Variants in IKBKB-DT observed in about 807,000 individuals in gnomAD.
The protein encoded by IKBKB-DT is IKBKB antisense RNA.
At chr8:42,244,974 G>T (rs1946613654) in intron 3 of IKBKB-DT, among the ~76,000 whole-genome samples, 2 of 152,176 alleles carry the variant, frequency 1.3e-5, no homozygotes, top group Admixed American at 6.5e-5. Context: ...TTTGGGCCGG[G>T]CGTGGTGGTT....
chr8:42,239,928 C>T (rs908168101), intron 3 of IKBKB-DT, among the ~76,000 whole-genome samples: 3 of 151,722 alleles, frequency 2.0e-5, no homozygotes, highest in Admixed American at 6.6e-5. Flanking sequence ...CATGAGCCAC[C>T]GTGCCTGGCC....
chr8:42,240,755 T>A (rs1340435096), intron 3 of IKBKB-DT, among the ~76,000 whole-genome samples: 1 of 150,420 alleles, frequency 6.6e-6, no homozygotes, highest in Non-Finnish European at 1.5e-5. Flanking sequence ...GGTGGGTGGA[T>A]CACAAGGTCA....
intron 3 of IKBKB-DT, among the ~76,000 whole-genome samples, chr8:42,244,602 T>G (rs997307043): frequency 6.6e-6 from 1 of 152,290 alleles, no homozygotes; most frequent in East Asian, 1.9e-4. Flanking sequence ...AAGGCTGGAG[T>G]GCAGTGGTGC....
At chr8:42,239,614 T>TTATATATATATATATATATATATA (rs113469700) in intron 3 of IKBKB-DT, among the ~76,000 whole-genome samples, 620 of 19,670 alleles carry the variant, frequency 0.032, 113 homozygotes, top group Middle Eastern at 0.059. Context: ...AAAAGGCAAT[T>TTATATATATATATATATATATATA]TATATATATA....
chr8:42,266,478 C>T (rs1807370782), intron 1 of IKBKB-DT: 1 of 152,236 alleles, frequency 6.6e-6, no homozygotes, highest in Non-Finnish European at 1.5e-5. Flanking sequence ...TTGACTTACT[C>T]TGTGAACAAG....
intron 3 of IKBKB-DT, among the ~76,000 whole-genome samples, chr8:42,234,864 A>G (rs181063621): frequency 2.0e-5 from 3 of 152,298 alleles, no homozygotes; most frequent in African/African-American, 7.2e-5. Flanking sequence ...TCCTGACCTC[A>G]GGTGATCTGC....
intron 1 of IKBKB-DT, among the ~76,000 whole-genome samples, chr8:42,269,481 A>T: frequency 2.0e-5 from 1 of 51,090 alleles, no homozygotes. Context: ...GAGGAAAAGG[A>T]AAGGAAAGAA....
intron 3 of IKBKB-DT, among the ~76,000 whole-genome samples, chr8:42,252,238 C>A (rs940951338): frequency 1.3e-4 from 20 of 152,346 alleles, no homozygotes; most frequent in African/African-American, 4.3e-4. Flanking sequence ...CCTGGTCCAA[C>A]CAAGGTCTTG....
chr8:42,252,512 C>A (rs1456218187), intron 3 of IKBKB-DT, among the ~76,000 whole-genome samples: 1 of 152,154 alleles, frequency 6.6e-6, no homozygotes, highest in Admixed American at 6.5e-5. Flanking sequence ...ACTACCGGTG[C>A]GTGCCACCAC....
intron 1 of IKBKB-DT, among the ~76,000 whole-genome samples, chr8:42,269,324 G>C (rs1585472723): frequency 8.4e-6 from 1 of 119,202 alleles, no homozygotes. Flanking sequence ...TGTCAAGAAA[G>C]AAAAAAGAAA....
rs113029340 is a variant in IKBKB-DT at position 42,262,458 on chromosome 8, A to G, written n.1529+871T>C. On this transcript the variant is annotated intron_variant and non_coding_transcript_variant, in intron 3 of 3. Transcript: ENST00000518213. ...TATTTATTTATTTATTTATTTATTT[A>G]AGACAGAGTCTCACTCTGTGGCCCA... is the stretch of plus-strand genomic sequence containing the variant. 3.0e-3 allele frequency among the ~76,000 whole-genome samples: 450 copies of G among 151,794 alleles called. 5 individuals are homozygous for G. The highest frequency in any genetic ancestry group is 0.024 in the Middle Eastern group (7 of 294).
chr8:42,249,417 ATGTGTGTGTGTG>A (rs35004589), intron 3 of IKBKB-DT: 7 of 129,728 alleles, frequency 5.4e-5, no homozygotes, highest in South Asian at 2.2e-4. Flanking sequence ...ATGTATATAT[ATGTGTGTGTGTG>A]TGTGTGTGTG....
At chr8:42,241,247 TTTTTTTTTTTTTTTTTTTTG>T (rs1213853900) in intron 3 of IKBKB-DT, among the ~76,000 whole-genome samples, 12 of 88,648 alleles carry the variant, frequency 1.4e-4, no homozygotes, top group African/African-American at 3.7e-4. Context: ...TTTTTTTTTT[TTTTTTTTTTTTTTTTTTTTG>T]CCTAGGAAGG....
chr8:42,268,389 C>A (rs914557906), intron 1 of IKBKB-DT, among the ~76,000 whole-genome samples: 1 of 151,996 alleles, frequency 6.6e-6, no homozygotes, highest in Non-Finnish European at 1.5e-5. Context: ...CCCGCCTTGG[C>A]CTCCCAAAGT....
intron 3 of IKBKB-DT, among the ~76,000 whole-genome samples, chr8:42,244,289 G>C (rs1046051234): frequency 2.0e-5 from 3 of 152,150 alleles, no homozygotes; most frequent in African/African-American, 7.2e-5. Context: ...ACACAGGGTA[G>C]TCAGTTATCC....
At chr8:42,260,279 A>G (rs574526379) in intron 3 of IKBKB-DT, among the ~76,000 whole-genome samples, 37 of 152,314 alleles carry the variant, frequency 2.4e-4, no homozygotes, top group Non-Finnish European at 4.7e-4. Context: ...TCAGCTTGAC[A>G]GAACAGAGAG....
chr8:42,239,632 A>ATATATATATATATATATT lies in IKBKB-DT; in HGVS notation n.1530-5774_1530-5773insAATATATATATATATATA, dbSNP rs1287944961. Reference sequence around the variant, plus strand: ...AGGCAATTTATATATATATATATATATATTTATTTATTTATTCATTTTTTT... The same window carrying ATATATATATATATATATT: ...AGGCAATTTATATATATATATATATATATATATATATATATATTTATTTATTTATTTATTCATTTTTTT... On this transcript the variant is annotated intron_variant and non_coding_transcript_variant, in intron 3 of 3. Coordinates refer to ENST00000518213, the Ensembl canonical transcript of IKBKB-DT. Among the ~76,000 whole-genome samples the ATATATATATATATATATT allele has an allele frequency of 9.1e-4, 79 of 86,950 alleles. 1 individual carries two copies. The highest frequency in any genetic ancestry group is 2.6e-3 in the African/African-American group (59 of 23,036). The allele number at this position is 86,950 out of a possible 152,430, so 57.0% of individuals were successfully genotyped here.
chr8:42,270,812 G>A (rs1285358136), exon 1 of IKBKB-DT: 3 of 153,110 alleles, frequency 2.0e-5, no homozygotes, highest in Non-Finnish European at 4.4e-5. Flanking sequence ...CACACTGCTA[G>A]GTCTTTTCTT....
At chr8:42,235,539 G>A (rs1346733956) in intron 3 of IKBKB-DT, among the ~76,000 whole-genome samples, 2 of 151,958 alleles carry the variant, frequency 1.3e-5, no homozygotes, top group Admixed American at 1.3e-4. Context: ...TCAAGTTTTT[G>A]CATTTCTAAC....
Sources: gnomAD v4.1 joint callset for allele counts (sites outside exome capture counted in the v4.1 genomes callset) on GRCh38, gnomAD v4.1.1 for gene constraint, MANE v1.5 for transcripts, NCBI Gene and HGNC (gene_info 2026-07-23, HGNC 2026-07-21) for gene names.